The following DDC variants were observed in gnomAD, a reference collection of about 807,000 sequenced individuals.
The protein encoded by DDC is aromatic-L-amino-acid decarboxylase.
DDC carries 43 observed loss-of-function variants against 60.0 expected under a neutral mutation model. The ratio of observed to expected loss-of-function variants is 0.72; its 90% CI spans 0.56 to 0.92. The LOEUF (loss-of-function observed/expected upper bound fraction) is 0.92, where lower values mean the gene tolerates loss of function less well. DDC is among the 40% of genes least tolerant of loss of function. DDC has a pLI of 0.00. For synonymous variants in DDC, 232 were observed against 234.6 expected (o/e 0.99, Z 0.10); for missense variants, 573 against 620.2 (o/e 0.92, Z 0.81).
chr7:50,528,283 G>A lies in DDC; in HGVS notation c.571-3C>T, dbSNP rs779659084. 28 of 1,613,896 alleles carry A rather than the reference G, an allele frequency of 1.7e-5. No individual in the cohort carries two copies. The highest frequency in any genetic ancestry group is 2.4e-5 in the Non-Finnish European group (28 of 1,179,960). The stretch of plus-strand genomic sequence containing the variant: ...GCTCTTTCCACTGAGGAGTGTGCCT[G>A]GAAAGAAGACAGCAGAGTTGGATTT... On this transcript the variant is annotated splice_region_variant and splice_polypyrimidine_tract_variant and intron_variant, in intron 5 of 14. Coordinates refer to ENST00000444124, the MANE Select transcript of DDC (RefSeq NM_001082971.2).
chr7:50,525,936 G>A (rs1320205784), intron 6 of DDC, among the ~76,000 whole-genome samples: 1 of 151,532 alleles, frequency 6.6e-6, no homozygotes, highest in Non-Finnish European at 1.5e-5. Context: ...AAGGGCATAA[G>A]AGATATATGG....
At chr7:50,558,781 G>A (rs1315309485) in intron 1 of DDC, among the ~76,000 whole-genome samples, 3 of 152,208 alleles carry the variant, frequency 2.0e-5, no homozygotes, top group Non-Finnish European at 4.4e-5. Flanking sequence ...CATGGCCAGA[G>A]ATGAGACCAC....
intron 8 of DDC, among the ~76,000 whole-genome samples, chr7:50,496,096 T>C (rs954927227): frequency 8.8e-6 from 1 of 113,276 alleles, no homozygotes; most frequent in African/African-American, 2.8e-5. Context: ...CTTCTCTCTC[T>C]TTTTTTTTTT....
At chr7:50,476,687 G>C in intron 10 of DDC, 44 bp from the exon 11 acceptor site, 1 of 1,573,014 alleles carries the variant, frequency 6.4e-7, no homozygotes, top group Non-Finnish European at 8.7e-7. Context: ...TCGTTAGACA[G>C]GTTTGTTGAT....
At chr7:50,554,431 G>T (rs1478211207) in intron 1 of DDC, among the ~76,000 whole-genome samples, 2 of 152,004 alleles carry the variant, frequency 1.3e-5, no homozygotes, top group South Asian at 2.1e-4. Flanking sequence ...TTATTAACTG[G>T]GCAGAAGTGG....
chr7:50,467,809 C>T (rs2042431559), intron 12 of DDC, among the ~76,000 whole-genome samples: 1 of 152,180 alleles, frequency 6.6e-6, no homozygotes, highest in South Asian at 2.1e-4. Context: ...CACCCGGAGG[C>T]CTTGGCTGAG....
intron 4 of DDC, among the ~76,000 whole-genome samples, chr7:50,533,637 T>A (rs2044290949): frequency 6.6e-6 from 1 of 152,098 alleles, no homozygotes; most frequent in Admixed American, 6.6e-5. Context: ...AAAAGCTTCC[T>A]AAAATATAGA....
chr7:50,505,351 G>T (rs1375835030), intron 6 of DDC, among the ~76,000 whole-genome samples: 1 of 152,250 alleles, frequency 6.6e-6, no homozygotes, highest in Non-Finnish European at 1.5e-5. Flanking sequence ...TTGATTTATG[G>T]ATGTCATGCA....
At chr7:50,511,052 TACACACACACACACAC>T (rs377138071) in intron 6 of DDC, among the ~76,000 whole-genome samples, 1 of 139,096 alleles carries the variant, frequency 7.2e-6, no homozygotes. Flanking sequence ...GATATATCTA[TACACACACACACACAC>T]ACACACACAC....
chr7:50,493,205 AG>A (rs2043047684), intron 9 of DDC, among the ~76,000 whole-genome samples: 2 of 152,132 alleles, frequency 1.3e-5, no homozygotes, highest in African/African-American at 4.8e-5. Context: ...GGGACTTAGA[AG>A]GGAGCCTGGA....
chr7:50,475,399 C>G (rs1585149386), intron 11 of DDC, among the ~76,000 whole-genome samples: 1 of 152,196 alleles, frequency 6.6e-6, no homozygotes, highest in East Asian at 1.9e-4. Context: ...CACACCCTGG[C>G]CTTTCTCCCT....
intron 9 of DDC, among the ~76,000 whole-genome samples, chr7:50,487,266 T>G (rs2042905548): frequency 6.6e-6 from 1 of 152,176 alleles, no homozygotes; most frequent in South Asian, 2.1e-4. Flanking sequence ...TTGGTAAGAT[T>G]AATTTGGTAA....
chr7:50,505,236 C>T (rs1293211065), intron 6 of DDC, among the ~76,000 whole-genome samples: 1 of 152,228 alleles, frequency 6.6e-6, no homozygotes, highest in Admixed American at 6.5e-5. Flanking sequence ...TGAGCATTTG[C>T]ACTTTGCTGG....
chr7:50,550,882 T>G (rs752256434), intron 1 of DDC, among the ~76,000 whole-genome samples: 9 of 152,234 alleles, frequency 5.9e-5, no homozygotes, highest in Non-Finnish European at 7.3e-5. Flanking sequence ...ACAAGAGGTA[T>G]GCCCGTAATA....
chr7:50,528,514 C>T (rs1585236317), intron 5 of DDC, among the ~76,000 whole-genome samples: 2 of 152,134 alleles, frequency 1.3e-5, no homozygotes, highest in African/African-American at 2.4e-5. Context: ...GTATCAGGCA[C>T]TAACAAGGGT....
At chr7:50,461,220 T>A (rs2042267098) in intron 14 of DDC, among the ~76,000 whole-genome samples, 1 of 152,230 alleles carries the variant, frequency 6.6e-6, no homozygotes, top group African/African-American at 2.4e-5. Context: ...CCAATCTGGC[T>A]TCTCTGATGA....
intron 6 of DDC, among the ~76,000 whole-genome samples, chr7:50,511,036 T>C (rs1482593582): frequency 9.0e-6 from 1 of 110,922 alleles, no homozygotes; most frequent in Admixed American, 9.4e-5. Context: ...ATTGCTAGGA[T>C]ATTAGGATAT....
intron 1 of DDC, among the ~76,000 whole-genome samples, chr7:50,563,405 T>G (rs1251800195): frequency 6.6e-6 from 1 of 152,194 alleles, no homozygotes; most frequent in Non-Finnish European, 1.5e-5. Flanking sequence ...TACTTTTGTC[T>G]TTGAAATTTT....
chr7:50,554,397 A>C (rs1159258121), intron 1 of DDC, among the ~76,000 whole-genome samples: 1 of 147,784 alleles, frequency 6.8e-6, no homozygotes. Flanking sequence ...AAGTCTATTA[A>C]TTTTCTTTAA....
Sources: allele counts gnomAD v4.1 joint callset (sites outside exome capture counted in the v4.1 genomes callset), GRCh38; gene constraint gnomAD v4.1.1; transcripts MANE v1.5; gene names NCBI Gene and HGNC (gene_info 2026-07-23, HGNC 2026-07-21).